EXOC6B: variants seen among roughly 807,000 people sequenced by gnomAD.
The protein encoded by EXOC6B is SEC15 homolog B.
EXOC6B carries 54 observed loss-of-function variants against 113.5 expected under a neutral mutation model. The ratio of observed to expected loss-of-function variants is 0.48; its 90% CI spans 0.38 to 0.60. The LOEUF (loss-of-function observed/expected upper bound fraction) is 0.60. Among genes scored for constraint, EXOC6B ranks in the 20% least tolerant of loss-of-function variants. The pLI is 0.00. For synonymous variants in EXOC6B, 357 were observed against 339.0 expected (o/e 1.05, Z -0.58); for missense variants, 797 against 977.5 (o/e 0.82, Z 2.46).
At chr2:72,213,989 G>A (rs992611489) in intron 20 of EXOC6B, among the ~76,000 whole-genome samples, 1 of 152,098 alleles carries the variant, frequency 6.6e-6, no homozygotes, top group African/African-American at 2.4e-5. Flanking sequence ...TCCTCTGTAG[G>A]CTGGTAGCTC....
intron 20 of EXOC6B, among the ~76,000 whole-genome samples, chr2:72,275,566 T>C (rs1684760891): frequency 6.6e-6 from 1 of 152,184 alleles, no homozygotes; most frequent in Non-Finnish European, 1.5e-5. Context: ...ACATGGATGG[T>C]CAAACTCATT....
chr2:72,761,444 A>T (rs1173792127), intron 1 of EXOC6B, among the ~76,000 whole-genome samples: 2 of 152,224 alleles, frequency 1.3e-5, no homozygotes, highest in African/African-American at 4.8e-5. Flanking sequence ...AAGCTATGAA[A>T]TATCACCACC....
chr2:72,513,570 AT>A (rs562778135), intron 10 of EXOC6B, among the ~76,000 whole-genome samples: 226 of 152,154 alleles, frequency 1.5e-3, no homozygotes, highest in African/African-American at 5.3e-3. Flanking sequence ...AAATTTTGTT[AT>A]ATTAAGAAAA....
chr2:72,546,449 AAGAGAGAG>A (rs753326829), intron 8 of EXOC6B, among the ~76,000 whole-genome samples: 1 of 151,692 alleles, frequency 6.6e-6, no homozygotes, highest in African/African-American at 2.4e-5. Flanking sequence ...CTCCAAAAAA[AAGAGAGAG>A]AGAGAGAGAT....
At chr2:72,223,000 T>A (rs1680973059) in intron 20 of EXOC6B, among the ~76,000 whole-genome samples, 1 of 152,206 alleles carries the variant, frequency 6.6e-6, no homozygotes, top group South Asian at 2.1e-4. Flanking sequence ...ACTGAAAATG[T>A]GTAGCAGCAA....
intron 1 of EXOC6B, among the ~76,000 whole-genome samples, chr2:72,757,740 CCTT>C (rs1228034941): frequency 6.6e-6 from 1 of 152,094 alleles, no homozygotes; most frequent in Non-Finnish European, 1.5e-5. Context: ...AATGAAAACT[CCTT>C]CTCAGGATCG....
chr2:72,214,191 A>G (rs1346578378), intron 20 of EXOC6B, among the ~76,000 whole-genome samples: 1 of 129,552 alleles, frequency 7.7e-6, no homozygotes, highest in East Asian at 2.0e-4. Flanking sequence ...TCCTCCCTTA[A>G]GATTACTTCT....
rs1291574736 is a variant in EXOC6B, at chr2:72,417,484, T to C, written c.1981-37614A>G. 2.0e-5 allele frequency among the ~76,000 whole-genome samples: 3 copies of C among 152,232 alleles called. No individual in the cohort carries two copies. The East Asian group carries it at 5.8e-4, about 29-fold the overall frequency. On this transcript the variant is annotated intron_variant, in intron 18 of 21. Coordinates refer to ENST00000272427, the MANE Select transcript of EXOC6B (RefSeq NM_015189.3). ...ATTCATTGGTCATTTCTGTTTCTTT[T>C]ATAAGATGTCTTCCATATTCTTGCC...
At chr2:72,588,156 T>C (rs1332051855) in intron 6 of EXOC6B, among the ~76,000 whole-genome samples, 1 of 152,092 alleles carries the variant, frequency 6.6e-6, no homozygotes, top group Non-Finnish European at 1.5e-5. Flanking sequence ...AATTAAAACA[T>C]TATCCAGAAA....
chr2:72,380,028 C>G (rs1004399118), intron 18 of EXOC6B, among the ~76,000 whole-genome samples, 158 bp from the exon 19 acceptor site: 1 of 152,158 alleles, frequency 6.6e-6, no homozygotes. Flanking sequence ...GGAATTAAAG[C>G]ATCTGATGGC....
chr2:72,335,254 T>C (rs775983038), intron 19 of EXOC6B: 22 of 493,788 alleles, frequency 4.5e-5, no homozygotes, highest in Non-Finnish European at 7.3e-5. Flanking sequence ...GACCTGAAAT[T>C]TATTCCCATG....
intron 1 of EXOC6B, among the ~76,000 whole-genome samples, chr2:72,784,143 C>T (rs1327327684): frequency 6.6e-6 from 1 of 152,128 alleles, no homozygotes; most frequent in Non-Finnish European, 1.5e-5. Flanking sequence ...TGTCAAAAAT[C>T]AGTTAGCTGT....
At position 72,225,434 on chromosome 2, in the gene EXOC6B, T is replaced by C. The variant is rs1346964356; in HGVS notation, c.2197-41247A>G. Among the ~76,000 whole-genome samples the C allele has an allele frequency of 3.3e-5, 5 of 152,186 alleles. No homozygotes were observed. The South Asian group carries it at 6.2e-4, about 19-fold the overall frequency. ...CTAGGTGAAAGAGTTGTTGACACAT[T>C]TGACACTGAATTAAAAAATCATTAT... is the stretch of plus-strand genomic sequence containing the variant. On this transcript the variant is annotated intron_variant, in intron 20 of 21. Coordinates refer to ENST00000272427, the MANE Select transcript of EXOC6B (RefSeq NM_015189.3).
chr2:72,776,572 G>A (rs1558992882), intron 1 of EXOC6B, among the ~76,000 whole-genome samples: 1 of 151,648 alleles, frequency 6.6e-6, no homozygotes, highest in Non-Finnish European at 1.5e-5. Context: ...AGCTGAGATC[G>A]TGCCATGCCA....
At chr2:72,427,320 G>A (rs767002241) in intron 18 of EXOC6B, among the ~76,000 whole-genome samples, 2 of 152,132 alleles carry the variant, frequency 1.3e-5, no homozygotes, top group Non-Finnish European at 2.9e-5. Flanking sequence ...TGGAGCAGAC[G>A]GGAGCCCCAC....
intron 18 of EXOC6B, among the ~76,000 whole-genome samples, chr2:72,420,883 T>A (rs960408447): frequency 1.3e-5 from 2 of 152,196 alleles, no homozygotes; most frequent in African/African-American, 4.8e-5. Context: ...TTTCTCCACA[T>A]CCTCTCCAGC....
chr2:72,227,373 A>G (rs1030045788), intron 20 of EXOC6B, among the ~76,000 whole-genome samples: 6 of 152,184 alleles, frequency 3.9e-5, no homozygotes, highest in South Asian at 2.1e-4. Flanking sequence ...ACTACACACT[A>G]GTAAAAGAAT....
intron 6 of EXOC6B, among the ~76,000 whole-genome samples, chr2:72,625,066 G>T (rs1446894): frequency 0.85 from 105,815 of 123,820 alleles, 44,623 homozygotes; most frequent in Middle Eastern, 0.92. Flanking sequence ...GTTTTTTTTT[G>T]GGGGGGGGGT....
chr2:72,766,534 A>C (rs1415470109), intron 1 of EXOC6B, among the ~76,000 whole-genome samples: 1 of 152,222 alleles, frequency 6.6e-6, no homozygotes, highest in East Asian at 1.9e-4. Context: ...ACACATGAGA[A>C]GATGGAGAAT....
Sources: allele counts gnomAD v4.1 joint callset (sites outside exome capture counted in the v4.1 genomes callset), GRCh38; gene constraint gnomAD v4.1.1; transcripts MANE v1.5; gene names NCBI Gene and HGNC (gene_info 2026-07-23, HGNC 2026-07-21).